CUEDC1: variants seen among roughly 807,000 people sequenced by gnomAD.
CUEDC1 encodes CUE domain containing 1, also known as CUE domain-containing protein 1.
A neutral mutation model predicts 43.7 loss-of-function variants in CUEDC1; 30 were observed. That is an observed-to-expected ratio of 0.69 (90% CI 0.51 to 0.93). The LOEUF (loss-of-function observed/expected upper bound fraction) is 0.93, where lower values mean the gene tolerates loss of function less well. Among genes scored for constraint, CUEDC1 ranks in the 40% least tolerant of loss-of-function variants. CUEDC1 has a pLI of 0.00. For synonymous variants in CUEDC1, 223 were observed against 223.6 expected (o/e 1.00, Z 0.02); for missense variants, 486 against 549.0 (o/e 0.89, Z 1.15).
chr17:57,932,281 C>CAAAAAAAAAAAAAAAAAAAA lies in CUEDC1; in HGVS notation c.-316+22924_-316+22943dup, dbSNP rs56137797. ...TGGGCAACAAAGTGACACTGTGTCT[C>CAAAAAAAAAAAAAAAAAAAA]AAAAAAAAAAAAAAAAAAAAAAGGC... is the stretch of plus-strand genomic sequence containing the variant. On this transcript the variant is annotated intron_variant, in intron 1 of 10. Coordinates refer to ENST00000577830, the MANE Select transcript of CUEDC1 (RefSeq NM_001271875.2). Among the ~76,000 whole-genome samples the CAAAAAAAAAAAAAAAAAAAA allele has an allele frequency of 3.9e-4, 47 of 121,930 alleles. 1 individual carries two copies. The highest frequency in any genetic ancestry group is 3.9e-3 in the Middle Eastern group (1 of 256). 80.0% of individuals were successfully genotyped at this position (121,930 alleles called of 152,430 possible). A position where few individuals can be genotyped will look rare whatever the true frequency, so the allele number is the denominator to read the frequency against.
chr17:57,946,643 CTG>C (rs1184691485), intron 1 of CUEDC1, among the ~76,000 whole-genome samples: 1 of 152,064 alleles, frequency 6.6e-6, no homozygotes, highest in African/African-American at 2.4e-5. Context: ...TATGTTGACT[CTG>C]TGGCATGCTC....
In CUEDC1 at chr17:57,901,601, C is replaced by T. The variant is rs199556000; in HGVS notation, c.-315-15722G>A. On this transcript the variant is annotated intron_variant, in intron 1 of 10. Coordinates refer to ENST00000577830, the MANE Select transcript of CUEDC1 (RefSeq NM_001271875.2). Reference sequence around the variant, plus strand: ...ACAAAGGCACTGCCAAATCACCTCACAAGCCCAAACTTGCACCTACTCTGT... The same window carrying T: ...ACAAAGGCACTGCCAAATCACCTCATAAGCCCAAACTTGCACCTACTCTGT... 2.0e-5 allele frequency among the ~76,000 whole-genome samples: 3 copies of T among 152,256 alleles called. No individual in the cohort carries two copies. The East Asian group carries it at 5.8e-4, about 29-fold the overall frequency.
chr17:57,868,262 G>A lies in CUEDC1; in HGVS notation c.941-19C>T, dbSNP rs368158135. On this transcript the variant is annotated intron_variant, in intron 7 of 10. Transcript: ENST00000577830. Reference sequence around the variant, plus strand: ...CGGGTGGCTGGGGGCAGAGAGACCTGTGAGTCATTCTCTCAGCAGCCAGCA... The same window carrying A: ...CGGGTGGCTGGGGGCAGAGAGACCTATGAGTCATTCTCTCAGCAGCCAGCA... 5.0e-6 allele frequency: 8 copies of A among 1,608,254 alleles called. No homozygotes were observed. Among genetic ancestry groups the A allele is most frequent in the Non-Finnish European group, 6.0e-6 (7 of 1,174,744 alleles).
At chr17:57,872,327 G>T (rs2074045651) in intron 5 of CUEDC1, among the ~76,000 whole-genome samples, 1 of 152,262 alleles carries the variant, frequency 6.6e-6, no homozygotes, top group Non-Finnish European at 1.5e-5. Flanking sequence ...CCTTGGGGCT[G>T]GGGCTCTGTG....
intron 3 of CUEDC1, among the ~76,000 whole-genome samples, chr17:57,876,699 G>C (rs2074130779): frequency 6.6e-6 from 1 of 152,230 alleles, no homozygotes; most frequent in African/African-American, 2.4e-5. Flanking sequence ...TAGAGGCCCA[G>C]GTCTAGCAGA....
At chr17:57,932,350 C>T (rs921349348) in intron 1 of CUEDC1, among the ~76,000 whole-genome samples, 1 of 150,148 alleles carries the variant, frequency 6.7e-6, no homozygotes, top group African/African-American at 2.5e-5. Flanking sequence ...CTTCAGGAGG[C>T]CGAGATGGGC....
At chr17:57,897,885 T>C (rs1297238599) in intron 1 of CUEDC1, among the ~76,000 whole-genome samples, 1 of 151,950 alleles carries the variant, frequency 6.6e-6, no homozygotes, top group Non-Finnish European at 1.5e-5. Flanking sequence ...TGGTGGCAGG[T>C]GCCTGTAATC....
At chr17:57,922,889 T>A (rs1057486314) in intron 1 of CUEDC1, among the ~76,000 whole-genome samples, 3 of 152,070 alleles carry the variant, frequency 2.0e-5, no homozygotes, top group African/African-American at 7.2e-5. Context: ...CTTTTTTTTT[T>A]TTTTTAAATA....
intron 1 of CUEDC1, among the ~76,000 whole-genome samples, chr17:57,889,337 G>T (rs921326166): frequency 6.6e-6 from 1 of 152,156 alleles, no homozygotes; most frequent in South Asian, 2.1e-4. Flanking sequence ...ATTCTAGGGG[G>T]GTCTTCCCCA....
intron 2 of CUEDC1, among the ~76,000 whole-genome samples, chr17:57,880,236 A>G (rs1396812600): frequency 6.6e-6 from 1 of 152,178 alleles, no homozygotes; most frequent in Non-Finnish European, 1.5e-5. Flanking sequence ...TTCTTTGATG[A>G]TAACATCTTT....
intron 9 of CUEDC1, 102 bp downstream of exon 9, chr17:57,867,255 T>G: frequency 9.0e-7 from 1 of 1,116,390 alleles, no homozygotes; most frequent in Non-Finnish European, 1.3e-6. Context: ...AGTGTGTTCC[T>G]CCAGGGGACA....
At position 57,879,680 on chromosome 17, in the gene CUEDC1, G is replaced by T; in HGVS notation, c.395C>A (p.Ser132Tyr). ...SSDEEPPPVY[S>Y]PPAYHMHVFD... ...CACGTGCATGTGGTAGGCTGGCGGG[G>T]AGTACACAGGTGGGGGCTCTTCATC... The change falls in exon 3 of 11, where the codon TCC becomes TAC. Residue 132 changes from serine to tyrosine, a missense_variant. Physicochemically the swap from Ser to Tyr is moderately radical, Grantham distance 144. Transcript: ENST00000577830. 6.2e-7 allele frequency: 1 copy of T among 1,603,108 alleles called. No homozygotes were observed. The highest frequency in any genetic ancestry group is 8.5e-7 in the Non-Finnish European group (1 of 1,176,070).
intron 3 of CUEDC1, 116 bp downstream of exon 3, chr17:57,879,494 GC>G: frequency 7.8e-7 from 1 of 1,285,628 alleles, no homozygotes. Flanking sequence ...TGCAGTAGAA[GC>G]CTGTTCTTTG....
chr17:57,917,095 C>G (rs1293282809), intron 1 of CUEDC1, among the ~76,000 whole-genome samples: 1 of 152,208 alleles, frequency 6.6e-6, no homozygotes, highest in Non-Finnish European at 1.5e-5. Flanking sequence ...GGAACCTGAA[C>G]AGTGGAGAAG....
intron 1 of CUEDC1, among the ~76,000 whole-genome samples, chr17:57,914,517 A>G (rs2074617348): frequency 6.6e-6 from 1 of 152,114 alleles, no homozygotes; most frequent in East Asian, 1.9e-4. Flanking sequence ...GGTCTCTCTC[A>G]ATGAGGTACC....
rs74857835 is a variant in CUEDC1, at chr17:57,910,343, G to A, written c.-315-24464C>T. Among the ~76,000 whole-genome samples, 1,236 of 152,074 alleles carry A rather than the reference G, an allele frequency of 8.1e-3. 58 individuals carry two copies. The East Asian group carries it at 0.12, about 15-fold the overall frequency. ...AAAAAGTACACCTGAAAGCACATAG[G>A]GAAATGCTTACGATAGTTTAAGCAA... On this transcript the variant is annotated intron_variant, in intron 1 of 10. Transcript: ENST00000577830.
intron 1 of CUEDC1, among the ~76,000 whole-genome samples, chr17:57,941,567 C>T (rs1183353560): frequency 6.6e-6 from 1 of 152,202 alleles, no homozygotes; most frequent in African/African-American, 2.4e-5. Context: ...CAGGGCTTCT[C>T]CATAACAGCA....
intron 2 of CUEDC1, among the ~76,000 whole-genome samples, chr17:57,884,491 C>G (rs1015459806): frequency 6.6e-6 from 1 of 151,590 alleles, no homozygotes; most frequent in Non-Finnish European, 1.5e-5. Flanking sequence ...CCACCTCGCC[C>G]GGCCCCAGCC....
chr17:57,893,896 C>T (rs375604314), intron 1 of CUEDC1, among the ~76,000 whole-genome samples: 27 of 152,258 alleles, frequency 1.8e-4, no homozygotes, highest in African/African-American at 6.5e-4. Flanking sequence ...GAGTTCAAGA[C>T]CAGCCTGGCC....
Sources: gnomAD v4.1 joint callset for allele counts (sites outside exome capture counted in the v4.1 genomes callset) on GRCh38, gnomAD v4.1.1 for gene constraint, MANE v1.5 for transcripts, NCBI Gene and HGNC (gene_info 2026-07-23, HGNC 2026-07-21) for gene names.